Variants in PTX4 observed in about 807,000 individuals in gnomAD.
PTX4 encodes pentraxin-4.
In PTX4, 23 loss-of-function variants were observed where a neutral mutation model predicts 19.1. The observed-to-expected ratio is 1.20, with a 90% CI of 0.87 to 1.70. The LOEUF (loss-of-function observed/expected upper bound fraction) is 1.70. Among genes scored for constraint, PTX4 ranks in the 40% most tolerant of loss-of-function variants. The pLI, the probability that PTX4 is intolerant of heterozygous loss-of-function variation, is 0.00. For missense variants in PTX4, 678 were observed against 610.5 expected (o/e 1.11, Z -1.17); for synonymous variants, 317 against 279.6 (o/e 1.13, Z -1.33).
rs746245333 is a variant in PTX4, at chr16:1,487,452, CCT to C, written c.658_659del (p.Arg220GlyfsTer102). 3.3e-6 allele frequency: 5 copies of C among 1,513,430 alleles called. No homozygotes were observed. The allele number at this position is 1,513,430 out of a possible 1,614,324, so 93.8% of individuals were successfully genotyped here. A position where few individuals can be genotyped will look rare whatever the true frequency, so the allele number is the denominator to read the frequency against. ...GGGCCGAGGAGTCCTGTGGGGGGCC[CCT>C]GTGCTCAGAGGCAGCTCGGAGCTCC... is the stretch of plus-strand genomic sequence containing the variant. The part of the protein sequence containing the change: ...RQELRAASEH[R>X]GPPQDSSAPL... On this transcript the variant is annotated frameshift_variant, in exon 2 of 3. Coordinates refer to ENST00000447419, the MANE Select transcript of PTX4 (RefSeq NM_001328608.2). LOFTEE classifies it high-confidence loss of function.
At position 1,488,842 on chromosome 16, in the gene PTX4, G is replaced by C; in HGVS notation, c.68C>G (p.Ala23Gly). 1 of 702,582 alleles carries C rather than the reference G, an allele frequency of 1.4e-6. No homozygotes were observed. The highest frequency in any genetic ancestry group is 2.7e-5 in the East Asian group (1 of 37,282). The allele number at this position is 702,582 out of a possible 1,614,324, so 43.5% of individuals were successfully genotyped here. Residue 23 changes from alanine (A) to glycine (G), a missense_variant, in exon 1 of 3, where the codon GCT becomes GGT. Transcript: ENST00000447419. ...CACTGGGGCGGCTTCCTGCGATGAA[G>C]CCCCATGTAGATATATAGGCACAAA... The part of the protein sequence containing the change: ...LVFVPIYLHG[A>G]SSQEAAPVGP...
At chr16:1,486,636 G>A (rs2039249103) in intron 2 of PTX4, 57 bp from the exon 3 acceptor site, 1 of 1,494,858 alleles carries the variant, frequency 6.7e-7, no homozygotes, top group Non-Finnish European at 8.9e-7. Context: ...GAAGCATCCA[G>A]AAGCACACGT....
intron 2 of PTX4, 81 bp downstream of exon 2, chr16:1,487,235 G>T: frequency 7.4e-7 from 1 of 1,350,594 alleles, no homozygotes; most frequent in Admixed American, 2.8e-5. Flanking sequence ...AACCTCTTTT[G>T]AGAAGCCTTT....
At position 1,486,253 on chromosome 16, in the gene PTX4, A is replaced by T; in HGVS notation, c.1123T>A (p.Trp375Arg). 6.2e-7 allele frequency: 1 copy of T among 1,612,818 alleles called. No homozygotes were observed. Among genetic ancestry groups the T allele is most frequent in the South Asian group, 1.1e-5 (1 of 90,936 alleles). Residue 375 changes from tryptophan to arginine, a missense_variant, in exon 3 of 3, where the codon TGG becomes AGG. By Grantham distance (101) the Trp-to-Arg change is moderately radical. Coordinates refer to ENST00000447419, the MANE Select transcript of PTX4 (RefSeq NM_001328608.2). ...ACCAGCCTGCGATCCACGTGGAGCC[A>T]GTACCTGCCCTGGGTGGACGTCCAG... ...VIWTSTQGRY[W>R]LHVDRRLVAT... is the part of the protein sequence containing the mutation.
chr16:1,486,103 A>G lies in PTX4; in HGVS notation c.1273T>C (p.Ser425Pro). ...DSSEAFVGSM[S>P]GLAIWDRALV... ...GCCCGATCCCAGATAGCCAAGCCAG[A>G]CATGCTCCCCACGAAGGCCTCGGAG... Residue 425 changes from serine (S) to proline (P), a missense_variant, in exon 3 of 3, where the codon TCT (serine) becomes CCT (proline). Physicochemically the swap from Ser to Pro is moderately conservative, Grantham distance 74. Transcript: ENST00000447419. The G allele has an allele frequency of 6.2e-7, 1 of 1,614,220 alleles. No individual in the cohort carries two copies. Among genetic ancestry groups the G allele is most frequent in the Non-Finnish European group, 8.5e-7 (1 of 1,180,036 alleles).
chr16:1,486,032 G>A lies in PTX4; in HGVS notation c.1344C>T (p.Phe448=). The A allele has an allele frequency of 6.2e-7, 1 of 1,614,094 alleles. No individual in the cohort carries two copies. Among genetic ancestry groups the A allele is most frequent in the Non-Finnish European group, 8.5e-7 (1 of 1,180,012 alleles). Residue 448 remains phenylalanine, a synonymous_variant, in exon 3 of 3, where the codon TTC becomes TTT. Transcript: ENST00000447419. ...EVANLAIGKE[F]PTGAILTLAN... ...CCAGCGTCAGGATGGCACCTGTCGGGAACTCTTTCCCGATGGCAAGGTTTG... is the reference window on the plus strand; with the variant it reads ...CCAGCGTCAGGATGGCACCTGTCGGAAACTCTTTCCCGATGGCAAGGTTTG...
intron 2 of PTX4, 83 bp from the exon 3 acceptor site, chr16:1,486,662 C>T: frequency 2.9e-6 from 4 of 1,390,906 alleles, no homozygotes; most frequent in Non-Finnish European, 3.8e-6. Context: ...GGGTGCCTGG[C>T]CTCCCACTCC....
intron 1 of PTX4, 152 bp downstream of exon 1, chr16:1,488,617 A>G (rs1230315750): frequency 8.8e-6 from 6 of 683,040 alleles, no homozygotes; most frequent in Non-Finnish European, 1.5e-5. Context: ...GTCCAACTGC[A>G]GGTGAAATAA....
rs772214290 is a variant in PTX4 at position 1,488,339 on chromosome 16, C to G, written c.142-369G>C. The G allele has an allele frequency of 3.1e-6, 5 of 1,612,128 alleles. No homozygotes were observed. In the South Asian group the frequency reaches 5.5e-5, roughly 18 times the overall value. On this transcript the variant is annotated intron_variant, in intron 1 of 2. Coordinates refer to ENST00000447419, the MANE Select transcript of PTX4 (RefSeq NM_001328608.2). ...TGCTTTACGAGGCCCAAACAGGAAG[C>G]ACCCAGCGCAGGCCCGACAGGCCCA... is the stretch of plus-strand genomic sequence containing the variant.
Position 1,486,576 on chromosome 16 carries a change from C to A in PTX4, c.800G>T (p.Cys267Phe). Reference sequence around the variant, plus strand: ...GAAAACGAGGGTGGGGCCCACGCCGCAAACTAGAAACAGAGGAGGGAGGGT... The same window carrying A: ...GAAAACGAGGGTGGGGCCCACGCCGAAAACTAGAAACAGAGGAGGGAGGGT... ...AWSPQVPGEI[C>F]GVGPTLVFPN... The change falls in exon 3 of 3, where the codon TGC (cysteine) becomes TTC (phenylalanine). Residue 267 changes from cysteine (C) to phenylalanine (F), a missense_variant. Transcript: ENST00000447419. 1 of 1,541,612 alleles carries A rather than the reference C, an allele frequency of 6.5e-7. No individual in the cohort carries two copies. The highest frequency in any genetic ancestry group is 1.3e-5 in the South Asian group (1 of 78,470).
At position 1,486,190 on chromosome 16, in the gene PTX4, G is replaced by C; in HGVS notation, c.1186C>G (p.Pro396Ala). 1 of 1,613,642 alleles carries C rather than the reference G, an allele frequency of 6.2e-7. No individual in the cohort carries two copies. Among genetic ancestry groups the C allele is most frequent in the East Asian group, 2.2e-5 (1 of 44,874 alleles). Residue 396 changes from proline to alanine, a missense_variant, in exon 3 of 3, where the codon CCC becomes GCC. Coordinates refer to ENST00000447419, the MANE Select transcript of PTX4 (RefSeq NM_001328608.2). ...CCCAGCACGAGGGACCCTCCGGGGG[G>C]GATCTCATAGCCCTCCCTGAAGCGG... Reference protein sequence around the residue: ...GSRFREGYEIPPGGSLVLGQE... With the variant: ...GSRFREGYEIAPGGSLVLGQE...
At position 1,486,555 on chromosome 16, in the gene PTX4, AC is replaced by A; in HGVS notation, c.820del (p.Val274PhefsTer68). 6.4e-7 allele frequency: 1 copy of A among 1,557,630 alleles called. No homozygotes were observed. The highest frequency in any genetic ancestry group is 8.7e-7 in the Non-Finnish European group (1 of 1,153,746). Reference protein sequence around the residue: ...GEICGVGPTLVFPNASTRNVV... With the variant: ...GEICGVGPTLXFPNASTRNVV... ...GTTCCTGGTGGAGGCGTTTGGGAAA[AC>A]GAGGGTGGGGCCCACGCCGCAAACT... On this transcript the variant is annotated frameshift_variant, in exon 3 of 3. Coordinates refer to ENST00000447419, the MANE Select transcript of PTX4 (RefSeq NM_001328608.2). LOFTEE classifies it low-confidence loss of function (END_TRUNC).
rs369472781 is a variant in PTX4 at position 1,486,529 on chromosome 16, C to T, written c.847G>A (p.Val283Met). ...LVFPNASTRN[V>M]VFLSPGFVTA... Reference sequence around the variant, plus strand: ...ACGAAACCAGGGCTGAGGAAGACCACGTTCCTGGTGGAGGCGTTTGGGAAA... The same window carrying T: ...ACGAAACCAGGGCTGAGGAAGACCATGTTCCTGGTGGAGGCGTTTGGGAAA... Residue 283 changes from valine to methionine, a missense_variant, in exon 3 of 3, where the codon GTG becomes ATG. Physicochemically the swap from Val to Met is conservative, Grantham distance 21 (BLOSUM62 1). Transcript: ENST00000447419. 1.2e-5 allele frequency: 19 copies of T among 1,580,454 alleles called. No homozygotes were observed. The African/African-American group carries it at 1.9e-4, about 16-fold the overall frequency.
chr16:1,486,030 G>A lies in PTX4; in HGVS notation c.1346C>T (p.Pro449Leu), dbSNP rs146464125. 4.1e-5 allele frequency: 66 copies of A among 1,613,944 alleles called. No homozygotes were observed. Among genetic ancestry groups the A allele is most frequent in the African/African-American group, 2.8e-4 (21 of 74,924 alleles). Reference sequence around the variant, plus strand: ...GGCCAGCGTCAGGATGGCACCTGTCGGGAACTCTTTCCCGATGGCAAGGTT... The same window carrying A: ...GGCCAGCGTCAGGATGGCACCTGTCAGGAACTCTTTCCCGATGGCAAGGTT... ...VANLAIGKEF[P>L]TGAILTLANA... The change falls in exon 3 of 3, where the codon CCG becomes CTG. Residue 449 changes from proline (P) to leucine (L), a missense_variant. Pro to Leu is a moderately conservative substitution (Grantham distance 98, BLOSUM62 -3). Coordinates refer to ENST00000447419, the MANE Select transcript of PTX4 (RefSeq NM_001328608.2).
At position 1,488,693 on chromosome 16, in the gene PTX4, C is replaced by A. The variant is rs186234098; in HGVS notation, c.141+76G>T. The A allele has an allele frequency of 1.7e-5, 11 of 639,438 alleles. No homozygotes were observed. The East Asian group carries it at 3.0e-4, about 18-fold the overall frequency. 39.6% of individuals were successfully genotyped at this position (639,438 alleles called of 1,614,324 possible). On this transcript the variant is annotated intron_variant, in intron 1 of 2. Coordinates refer to ENST00000447419, the MANE Select transcript of PTX4 (RefSeq NM_001328608.2). ...CCGCCAAGCCCTGATGTTTACCAAT[C>A]TGCTTCTGTAACATCCGTCTTCCAT...
rs1199515332 is a variant in PTX4 at position 1,486,233 on chromosome 16, C to G, written c.1143G>C (p.Arg381Ser). The G allele has an allele frequency of 2.5e-6, 4 of 1,612,254 alleles. No homozygotes were observed. In the African/African-American group the frequency reaches 5.3e-5, roughly 22 times the overall value. Residue 381 changes from arginine (R) to serine (S), a missense_variant, in exon 3 of 3, where the codon AGG becomes AGC. Coordinates refer to ENST00000447419, the MANE Select transcript of PTX4 (RefSeq NM_001328608.2). ...QGRYWLHVDRRLVATGSRFRE... is the reference protein window; with the variant it reads ...QGRYWLHVDRSLVATGSRFRE... ...TGAAGCGGGAGCCGGTGGCCACCAGCCTGCGATCCACGTGGAGCCAGTACC... is the reference window on the plus strand; with the variant it reads ...TGAAGCGGGAGCCGGTGGCCACCAGGCTGCGATCCACGTGGAGCCAGTACC...
In PTX4 at chr16:1,487,565, C is replaced by T. The variant is rs1472787146; in HGVS notation, c.547G>A (p.Ala183Thr). 1.3e-6 allele frequency: 2 copies of T among 1,537,876 alleles called. No homozygotes were observed. The highest frequency in any genetic ancestry group is 1.7e-6 in the Non-Finnish European group (2 of 1,142,990). Residue 183 changes from alanine to threonine, a missense_variant, in exon 2 of 3, where the codon GCA becomes ACA. By Grantham distance (58) the Ala-to-Thr change is moderately conservative. Coordinates refer to ENST00000447419, the MANE Select transcript of PTX4 (RefSeq NM_001328608.2). ...GRLPVAHPGT[A>T]ALGPALVPTP... ...GGGACCAGGGCCGGCCCGAGGGCTG[C>T]AGTGCCAGGGTGGGCCACGGGCAGC...
In PTX4 at chr16:1,486,454, C is replaced by T. The variant is rs141845288; in HGVS notation, c.922G>A (p.Gly308Ser). The T allele has an allele frequency of 2.6e-4, 418 of 1,613,634 alleles. 7 individuals are homozygous for T. The South Asian group carries it at 2.6e-3, about 10-fold the overall frequency. ...SFCSWVRTAS[G>S]RLGTLLSYAT... ...TAGGACAGGAGGGTGCCCAGGCGGC[C>T]GGAGGCCGTGCGGACCCAGCTGCAG... The change falls in exon 3 of 3, where the codon GGC becomes AGC. Residue 308 changes from glycine to serine, a missense_variant. Coordinates refer to ENST00000447419, the MANE Select transcript of PTX4 (RefSeq NM_001328608.2).
chr16:1,488,211 G>A (rs1012403936), intron 1 of PTX4: 1 of 1,365,890 alleles, frequency 7.3e-7, no homozygotes, highest in African/African-American at 1.4e-5. Flanking sequence ...CCACAGCTGG[G>A]GCTCTGATCC....
Sources: gnomAD v4.1 joint callset for allele counts on GRCh38, gnomAD v4.1.1 for gene constraint, MANE v1.5 for transcripts, NCBI Gene and HGNC (gene_info 2026-07-23, HGNC 2026-07-21) for gene names.